Variants in HPSE2 observed in about 807,000 individuals in gnomAD.
The protein encoded by HPSE2 is inactive heparanase-2.
In HPSE2, 38 loss-of-function variants were observed where a neutral mutation model predicts 60.5. The observed-to-expected ratio is 0.63, with a 90% CI of 0.48 to 0.82. The LOEUF (loss-of-function observed/expected upper bound fraction) is 0.82. HPSE2 is among the 40% of genes least tolerant of loss of function. HPSE2 has a pLI of 0.00. For missense variants in HPSE2, 713 were observed against 740.4 expected, an observed-to-expected ratio of 0.96 and a Z score of 0.43; for synonymous variants, 295 against 293.2, an observed-to-expected ratio of 1.01 and a Z score of -0.06.
At chr10:98,634,370 T>A (rs947155880) in intron 7 of HPSE2, among the ~76,000 whole-genome samples, 1 of 152,244 alleles carries the variant, frequency 6.6e-6, no homozygotes, top group Non-Finnish European at 1.5e-5. Flanking sequence ...AAACAAATAC[T>A]GATTTTTGTG....
At chr10:98,763,265 G>GA (rs1270765990) in intron 3 of HPSE2, among the ~76,000 whole-genome samples, 1 of 150,446 alleles carries the variant, frequency 6.6e-6, no homozygotes, top group African/African-American at 2.4e-5. Flanking sequence ...ATTACTACAG[G>GA]AAAAAAACAT....
intron 3 of HPSE2, among the ~76,000 whole-genome samples, chr10:99,139,963 T>C (rs1845806064): frequency 6.6e-6 from 1 of 152,212 alleles, no homozygotes; most frequent in African/African-American, 2.4e-5. Flanking sequence ...AGTAAAATAA[T>C]GGTGATATAA....
At chr10:99,022,073 A>G (rs1031297758) in intron 3 of HPSE2, among the ~76,000 whole-genome samples, 26 of 122,624 alleles carry the variant, frequency 2.1e-4, no homozygotes, top group Non-Finnish European at 3.5e-4. Flanking sequence ...TTTTAACTTA[A>G]TATCACTGAA....
rs187369765 is a variant in HPSE2, at chr10:98,913,581, C to T, written c.611-169525G>A. Among the ~76,000 whole-genome samples, 627 of 152,120 alleles carry T rather than the reference C, an allele frequency of 4.1e-3. 12 individuals carry two copies. Among genetic ancestry groups the T allele is most frequent in the Non-Finnish European group, 2.3e-3 (159 of 68,000 alleles). ...ATATTCCTAACTTTTGGGCTCCTTC[C>T]GAAAGCCCAGATAACACCACTCAAA... On this transcript the variant is annotated intron_variant, in intron 3 of 11. Coordinates refer to ENST00000370552, the MANE Select transcript of HPSE2 (RefSeq NM_021828.5).
intron 3 of HPSE2, among the ~76,000 whole-genome samples, chr10:99,000,200 G>A (rs987258632): frequency 1.3e-5 from 2 of 152,102 alleles, no homozygotes; most frequent in African/African-American, 4.8e-5. Flanking sequence ...TGTATTAACT[G>A]TCACTCAAAT....
intron 2 of HPSE2, among the ~76,000 whole-genome samples, chr10:99,184,817 T>TAG (rs1554912270): frequency 8.7e-4 from 15 of 17,198 alleles, no homozygotes; most frequent in East Asian, 4.1e-3. Flanking sequence ...TATATATATA[T>TAG]ATAGAGAGAG....
intron 9 of HPSE2, among the ~76,000 whole-genome samples, chr10:98,537,233 T>C (rs1189182045): frequency 6.6e-6 from 1 of 152,084 alleles, no homozygotes; most frequent in East Asian, 1.9e-4. Context: ...GGAATGGAGA[T>C]GTTGAGCTTA....
At chr10:98,889,290 C>T (rs1953264456) in intron 3 of HPSE2, among the ~76,000 whole-genome samples, 1 of 152,076 alleles carries the variant, frequency 6.6e-6, no homozygotes, top group Non-Finnish European at 1.5e-5. Flanking sequence ...TCAAGCGATC[C>T]TCCTACCTCA....
At chr10:98,649,876 C>T (rs990818966) in intron 6 of HPSE2, among the ~76,000 whole-genome samples, 4 of 152,164 alleles carry the variant, frequency 2.6e-5, no homozygotes, top group African/African-American at 7.2e-5. Flanking sequence ...ATTCAGGCTG[C>T]GATTCTTGAG....
intron 2 of HPSE2, among the ~76,000 whole-genome samples, chr10:99,213,524 C>G (rs1849019067): frequency 6.6e-6 from 1 of 152,098 alleles, no homozygotes; most frequent in African/African-American, 2.4e-5. Flanking sequence ...CACACCCACA[C>G]ACAACTTCAG....
rs1213276302 is a variant in HPSE2, at chr10:98,701,319, G to C, written c.957-7372C>G. ...GGAATACTATGCAGCCATAAAACAC[G>C]ATGAGTTCATGTCCTTCGTAGGGAC... On this transcript the variant is annotated intron_variant, in intron 5 of 11. Coordinates refer to ENST00000370552, the MANE Select transcript of HPSE2 (RefSeq NM_021828.5). Among the ~76,000 whole-genome samples the C allele has an allele frequency of 4.4e-4, 65 of 147,024 alleles. No individual in the cohort carries two copies. The East Asian group carries it at 0.012, about 28-fold the overall frequency.
At chr10:99,151,185 T>C (rs1846248398) in intron 2 of HPSE2, among the ~76,000 whole-genome samples, 1 of 151,376 alleles carries the variant, frequency 6.6e-6, no homozygotes, top group African/African-American at 2.4e-5. Flanking sequence ...GGGAATGGTA[T>C]AGATTGGCTA....
chr10:98,641,984 G>C, intron 6 of HPSE2, 44 bp from the exon 7 acceptor site: 1 of 1,527,240 alleles, frequency 6.5e-7, no homozygotes, highest in South Asian at 1.1e-5. Context: ...TCTCAAGCAA[G>C]GGATTATAAA....
chr10:98,977,776 C>T (rs1956118160), intron 3 of HPSE2, among the ~76,000 whole-genome samples: 2 of 151,916 alleles, frequency 1.3e-5, no homozygotes, highest in Admixed American at 6.6e-5. Context: ...TCATTTAAAA[C>T]AGGTTTTTTA....
chr10:98,550,400 C>T (rs1943825550), intron 9 of HPSE2, among the ~76,000 whole-genome samples: 1 of 152,072 alleles, frequency 6.6e-6, no homozygotes, highest in Non-Finnish European at 1.5e-5. Context: ...TTCAACCAGT[C>T]CTCCTGCTTC....
the HPSE2 span, among the ~76,000 whole-genome samples, chr10:99,283,530 A>C: frequency 6.6e-6 from 1 of 151,738 alleles, no homozygotes; most frequent in Non-Finnish European, 1.5e-5. Context: ...TTAAAAAAAA[A>C]TTTTTTTAAA....
intron 3 of HPSE2, among the ~76,000 whole-genome samples, chr10:99,077,740 TACAC>T (rs1169628467): frequency 7.9e-5 from 12 of 151,444 alleles, no homozygotes; most frequent in Admixed American, 2.6e-4. Context: ...GTGTGTGTAC[TACAC>T]ACACACAAAT....
At chr10:98,834,555 C>A (rs1017463049) in intron 3 of HPSE2, among the ~76,000 whole-genome samples, 1 of 152,072 alleles carries the variant, frequency 6.6e-6, no homozygotes. Flanking sequence ...TCAATAGCTG[C>A]TAACACCATA....
chr10:98,626,261 T>C (rs1289170534), intron 7 of HPSE2, among the ~76,000 whole-genome samples: 1 of 152,242 alleles, frequency 6.6e-6, no homozygotes, highest in Non-Finnish European at 1.5e-5. Context: ...GAGCACCTCC[T>C]ACCACCAGGA....
Sources: allele counts gnomAD v4.1 joint callset (sites outside exome capture counted in the v4.1 genomes callset), GRCh38; gene constraint gnomAD v4.1.1; transcripts MANE v1.5; gene names NCBI Gene and HGNC (gene_info 2026-07-23, HGNC 2026-07-21).